The following CSMD3 variants were observed in gnomAD, a reference collection of about 807,000 sequenced individuals.
The protein encoded by CSMD3 is CUB and sushi domain-containing protein 3.
Under a neutral mutation model 435.2 loss-of-function variants are expected in CSMD3, and 177 were observed. The observed-to-expected ratio is 0.41, with a 90% CI of 0.36 to 0.46. The LOEUF is 0.46. Ranked by LOEUF, CSMD3 falls within the 20% of genes least tolerant of loss-of-function variation. The pLI is 0.34. For synonymous variants in CSMD3, 1,656 were observed against 1,520.5 expected (o/e 1.09, Z -2.07); for missense variants, 4,265 against 4,504.6 (o/e 0.95, Z 1.52).
intron 6 of CSMD3, among the ~76,000 whole-genome samples, chr8:112,983,981 T>C (rs1459704092): frequency 6.6e-6 from 1 of 152,040 alleles, no homozygotes; most frequent in Non-Finnish European, 1.5e-5. Context: ...GAGCATTTGG[T>C]ATTCTGTAGC....
intron 30 of CSMD3, among the ~76,000 whole-genome samples, chr8:112,493,863 C>T (rs1006334958): frequency 2.0e-5 from 3 of 151,952 alleles, no homozygotes; most frequent in African/African-American, 7.3e-5. Flanking sequence ...AAATGTACAA[C>T]GTAAAGGCCA....
In CSMD3 at chr8:112,301,864, A is replaced by T. The variant is rs781520297; in HGVS notation, c.8369T>A (p.Met2790Lys). 1 of 1,613,938 alleles carries T rather than the reference A, an allele frequency of 6.2e-7. No homozygotes were observed. The highest frequency in any genetic ancestry group is 8.5e-7 in the Non-Finnish European group (1 of 1,179,862). ...TTCCCTTACAGCAGAGCCCACAAGC[A>T]TGAATCCCAAGTCGCAGGTAAAGAT... ...TAIFTCDLGF[M>K]LVGSAVRECL... Residue 2790 changes from methionine to lysine, a missense_variant, in exon 53 of 71, where the codon ATG (methionine) becomes AAG (lysine). Met to Lys is a moderately conservative substitution (Grantham distance 95). This residue lies in a region of CSMD3 where 3,255 missense variants were observed against 3,380.2 expected (regional missense o/e 0.96). Coordinates refer to ENST00000297405, the MANE Select transcript of CSMD3 (RefSeq NM_198123.2).
intron 37 of CSMD3, among the ~76,000 whole-genome samples, chr8:112,382,265 T>C (rs145388439): frequency 1.2e-3 from 166 of 133,474 alleles, no homozygotes; most frequent in African/African-American, 4.3e-3. Context: ...GTCTGGGCAA[T>C]AGAGCCAGAC....
chr8:112,972,139 T>C (rs2130914522), intron 7 of CSMD3, among the ~76,000 whole-genome samples: 1 of 152,098 alleles, frequency 6.6e-6, no homozygotes, highest in African/African-American at 2.4e-5. Flanking sequence ...CATAATAATA[T>C]TGATGTCAAT....
At chr8:112,904,216 A>G (rs569346724) in intron 10 of CSMD3, among the ~76,000 whole-genome samples, 1 of 151,582 alleles carries the variant, frequency 6.6e-6, no homozygotes, top group African/African-American at 2.4e-5. Flanking sequence ...TCTATTGTAC[A>G]GCGCGGTGAC....
chr8:113,167,637 C>A (rs1195973537), intron 4 of CSMD3, among the ~76,000 whole-genome samples: 2 of 152,114 alleles, frequency 1.3e-5, no homozygotes, highest in Non-Finnish European at 2.9e-5. Context: ...CCTGTATTTT[C>A]CAGGGAGTGT....
At chr8:113,129,008 A>G (rs557777844) in intron 4 of CSMD3, among the ~76,000 whole-genome samples, 12 of 152,298 alleles carry the variant, frequency 7.9e-5, no homozygotes, top group Non-Finnish European at 1.3e-4. Context: ...GTGATCTGTT[A>G]CTAGACTCTC....
In CSMD3 at chr8:112,292,720, T is replaced by A. The variant is rs1240571389; in HGVS notation, c.8615-10A>T. The A allele has an allele frequency of 6.2e-7, 1 of 1,612,944 alleles. No individual in the cohort carries two copies. The highest frequency in any genetic ancestry group is 8.5e-7 in the Non-Finnish European group (1 of 1,179,056). ...TGACCACAGCTAACAGCTAATAAGA[T>A]GTGGCAGGAGGACAGGGAAGGAAAC... On this transcript the variant is annotated splice_polypyrimidine_tract_variant and intron_variant, in intron 54 of 70. Transcript: ENST00000297405.
intron 13 of CSMD3, among the ~76,000 whole-genome samples, chr8:112,782,937 C>T (rs559473140): frequency 7.2e-5 from 11 of 151,846 alleles, no homozygotes; most frequent in South Asian, 4.2e-4. Context: ...CTATAAGAAA[C>T]GCTTAAGGAA....
intron 69 of CSMD3, among the ~76,000 whole-genome samples, chr8:112,229,442 T>C (rs1393639254): frequency 6.6e-6 from 1 of 152,132 alleles, no homozygotes; most frequent in African/African-American, 2.4e-5. Flanking sequence ...TTTTTCTTTT[T>C]TCTTGAGACA....
At chr8:112,236,942 C>T (rs1310292717) in intron 67 of CSMD3, among the ~76,000 whole-genome samples, 1 of 152,044 alleles carries the variant, frequency 6.6e-6, no homozygotes, top group Non-Finnish European at 1.5e-5. Context: ...TAATATATGA[C>T]ATCTAATTCT....
intron 30 of CSMD3, among the ~76,000 whole-genome samples, chr8:112,494,347 G>A (rs186080882): frequency 2.3e-4 from 29 of 123,904 alleles, no homozygotes; most frequent in Admixed American, 1.4e-3. Context: ...TTGTTCTTTC[G>A]TTCTTTCTTT....
chr8:113,208,785 CA>C (rs1446885120), intron 3 of CSMD3, among the ~76,000 whole-genome samples: 6 of 151,690 alleles, frequency 4.0e-5, no homozygotes, highest in African/African-American at 1.5e-4. Flanking sequence ...TATATACAGA[CA>C]TATATGAAGT....
Position 112,341,491 on chromosome 8 carries a change from T to C in CSMD3, c.6638A>G (p.His2213Arg), listed in dbSNP as rs748948694. The C allele has an allele frequency of 1.9e-6, 3 of 1,607,264 alleles. No homozygotes were observed. Among genetic ancestry groups the C allele is most frequent in the Non-Finnish European group, 2.6e-6 (3 of 1,173,892 alleles). ...ATTTCTCTTACCTTGGTATACAATATGAAACCCTTGTTTGTTTTGTGAATA... is the reference window on the plus strand; with the variant it reads ...ATTTCTCTTACCTTGGTATACAATACGAAACCCTTGTTTGTTTTGTGAATA... ...SDYSQNKQGF[H>R]IVYQAYQLQS... Residue 2213 changes from histidine (H) to arginine (R), a missense_variant, in exon 42 of 71, where the codon CAT becomes CGT. Around this residue, in one of 3 missense-constraint regions of CSMD3, gnomAD observed 3,255 missense variants for 3,380.2 expected, o/e 0.96. Coordinates refer to ENST00000297405, the MANE Select transcript of CSMD3 (RefSeq NM_198123.2).
At position 112,477,524 on chromosome 8, in the gene CSMD3, T is replaced by A. The variant is rs557597790; in HGVS notation, c.5279-4817A>T. On this transcript the variant is annotated intron_variant, in intron 31 of 70. Coordinates refer to ENST00000297405, the MANE Select transcript of CSMD3 (RefSeq NM_198123.2). ...GAAGTCTTTGGGTCATGGGGACAGA[T>A]CCCTCATGAATGTCTTGGTGCTGTC... 3.3e-5 allele frequency among the ~76,000 whole-genome samples: 5 copies of A among 152,208 alleles called. No homozygotes were observed. In the East Asian group the frequency reaches 9.7e-4, roughly 30 times the overall value.
At chr8:112,656,033 T>G (rs775073979) in intron 18 of CSMD3, 121 bp downstream of exon 18, 1 of 632,746 alleles carries the variant, frequency 1.6e-6, no homozygotes, top group African/African-American at 1.8e-5. Flanking sequence ...AACATTCTTA[T>G]AGATGAAGGA....
At chr8:112,346,414 T>C (rs1184721368) in intron 40 of CSMD3, among the ~76,000 whole-genome samples, 1 of 152,150 alleles carries the variant, frequency 6.6e-6, no homozygotes, top group Non-Finnish European at 1.5e-5. Context: ...AAAGACAACA[T>C]CCTTCCTTCC....
intron 9 of CSMD3, among the ~76,000 whole-genome samples, chr8:112,932,477 A>C (rs1250184629): frequency 4.6e-5 from 7 of 152,150 alleles, no homozygotes; most frequent in Admixed American, 4.6e-4. Flanking sequence ...CAGTCTCCTG[A>C]CCTCATGATC....
chr8:112,848,961 G>A (rs1404184661), intron 11 of CSMD3, among the ~76,000 whole-genome samples: 2 of 152,058 alleles, frequency 1.3e-5, no homozygotes, highest in African/African-American at 2.4e-5. Context: ...AGATCCACAA[G>A]TGATGTGACG....
Sources: gnomAD v4.1 joint callset for allele counts (sites outside exome capture counted in the v4.1 genomes callset) on GRCh38, gnomAD v4.1.1 for gene constraint, gnomAD v4.1.1 regional missense constraint, MANE v1.5 for transcripts, NCBI Gene and HGNC (gene_info 2026-07-23, HGNC 2026-07-21) for gene names.